EEPD1: variants seen among roughly 807,000 people sequenced by gnomAD.
EEPD1 encodes the protein endonuclease/exonuclease/phosphatase family domain containing 1.
EEPD1 carries 17 observed loss-of-function variants against 46.3 expected under a neutral mutation model. The ratio of observed to expected loss-of-function variants is 0.37; its 90% CI spans 0.25 to 0.55. The LOEUF (loss-of-function observed/expected upper bound fraction) is 0.55. EEPD1 is among the 20% of genes least tolerant of loss of function. EEPD1 has a pLI of 0.83. For missense variants in EEPD1, 673 were observed against 745.6 expected, an observed-to-expected ratio of 0.90 and a Z score of 1.13; for synonymous variants, 313 against 315.6, an observed-to-expected ratio of 0.99 and a Z score of 0.09.
At chr7:36,215,938 G>A (rs999571271) in intron 2 of EEPD1, among the ~76,000 whole-genome samples, 6 of 152,230 alleles carry the variant, frequency 3.9e-5, no homozygotes, top group African/African-American at 1.4e-4. Flanking sequence ...GAGGATGGGA[G>A]CCCTACCTCC....
intron 2 of EEPD1, among the ~76,000 whole-genome samples, chr7:36,218,370 TAGG>T (rs1260254328): frequency 6.7e-6 from 1 of 148,254 alleles, no homozygotes; most frequent in Admixed American, 6.9e-5. Flanking sequence ...AAAATTCTAA[TAGG>T]AGGGGGAGGA....
At chr7:36,247,095 C>T (rs954972979) in intron 3 of EEPD1, among the ~76,000 whole-genome samples, 5 of 147,774 alleles carry the variant, frequency 3.4e-5, no homozygotes, top group African/African-American at 1.3e-4. Flanking sequence ...TGCACTACAG[C>T]CTGGGTGACA....
At chr7:36,282,529 A>G (rs897817792) in intron 4 of EEPD1, among the ~76,000 whole-genome samples, 1 of 152,250 alleles carries the variant, frequency 6.6e-6, no homozygotes, top group Non-Finnish European at 1.5e-5. Context: ...TGTCAAGGCC[A>G]TTGGAAAACA....
intron 2 of EEPD1, among the ~76,000 whole-genome samples, chr7:36,196,803 G>A (rs1053387107): frequency 1.3e-5 from 2 of 152,192 alleles, no homozygotes; most frequent in Non-Finnish European, 2.9e-5. Flanking sequence ...CCCCCAAAGT[G>A]CGAAGATTGC....
At chr7:36,207,778 TA>T (rs1286609621) in intron 2 of EEPD1, among the ~76,000 whole-genome samples, 1 of 152,166 alleles carries the variant, frequency 6.6e-6, no homozygotes, top group African/African-American at 2.4e-5. Flanking sequence ...AGTCTGTTTA[TA>T]AAGTGTTTCT....
rs1341203087 is a variant in EEPD1, at chr7:36,219,806, A to AGAGTGTGTGTGTGTGT, written c.879-19178_879-19177insAGTGTGTGTGTGTGTG. 5.7e-4 allele frequency among the ~76,000 whole-genome samples: 43 copies of AGAGTGTGTGTGTGTGT among 75,442 alleles called. 1 individual carries two copies. Among genetic ancestry groups the AGAGTGTGTGTGTGTGT allele is most frequent in the African/African-American group, 1.2e-3 (26 of 21,956 alleles). The allele number at this position is 75,442 out of a possible 152,430, so 49.5% of individuals were successfully genotyped here. On this transcript the variant is annotated intron_variant, in intron 2 of 7. Coordinates refer to ENST00000242108, the MANE Select transcript of EEPD1 (RefSeq NM_030636.3). ...GAGAGAGAGAGAGAGAGAGAGAGAG[A>AGAGTGTGTGTGTGTGT]GTGTGTGTGTGTGTGTGTGTGTGTG... is the stretch of plus-strand genomic sequence containing the variant.
At chr7:36,180,589 G>T (rs1785255889) in intron 2 of EEPD1, among the ~76,000 whole-genome samples, 1 of 152,174 alleles carries the variant, frequency 6.6e-6, no homozygotes, top group Non-Finnish European at 1.5e-5. Flanking sequence ...GTGATTGGGG[G>T]TGGGGATTGT....
Position 36,287,863 on chromosome 7 carries a change from G to T in EEPD1, c.1315+86G>T, listed in dbSNP as rs1787365300. The T allele has an allele frequency of 8.5e-6, 13 of 1,537,676 alleles. No homozygotes were observed. In the South Asian group the frequency reaches 1.0e-4, roughly 12 times the overall value. On this transcript the variant is annotated intron_variant, in intron 6 of 7. Coordinates refer to ENST00000242108, the MANE Select transcript of EEPD1 (RefSeq NM_030636.3). Reference sequence around the variant, plus strand: ...TTCTGAGCCATCTCTGACCACTTGGGCTGGCTGTTTGTCAGCAATGTGAGT... The same window carrying T: ...TTCTGAGCCATCTCTGACCACTTGGTCTGGCTGTTTGTCAGCAATGTGAGT...
At chr7:36,296,874 A>T in intron 6 of EEPD1, 119 bp from the exon 7 acceptor site, 1 of 918,874 alleles carries the variant, frequency 1.1e-6, no homozygotes, top group Non-Finnish European at 1.6e-6. Flanking sequence ...ACCATGCCAC[A>T]GTACTAACCC....
At chr7:36,211,786 G>T (rs1335769586) in intron 2 of EEPD1, among the ~76,000 whole-genome samples, 1 of 152,016 alleles carries the variant, frequency 6.6e-6, no homozygotes, top group African/African-American at 2.4e-5. Context: ...TTAGCCAGGC[G>T]TGGTGGCAAG....
At chr7:36,205,161 A>AG (rs1027151273) in intron 2 of EEPD1, among the ~76,000 whole-genome samples, 51 of 152,092 alleles carry the variant, frequency 3.4e-4, no homozygotes, top group Non-Finnish European at 1.6e-4. Context: ...ATGGACAGGG[A>AG]GGGGGGTCAC....
rs148810883 is a variant in EEPD1, at chr7:36,287,480, A to G, written c.1177-159A>G. On this transcript the variant is annotated intron_variant, in intron 5 of 7. Coordinates refer to ENST00000242108, the MANE Select transcript of EEPD1 (RefSeq NM_030636.3). ...TGCAGGTGCCTTGGAAAAATCGAAG[A>G]TGAAAGACCTTACATTATTTCCTGG... The G allele has an allele frequency of 9.9e-5, 114 of 1,149,044 alleles. No individual in the cohort carries two copies. In the African/African-American group the frequency reaches 1.7e-3, roughly 17 times the overall value. 71.2% of individuals were successfully genotyped at this position (1,149,044 alleles called of 1,614,324 possible). A position where few individuals can be genotyped will look rare whatever the true frequency, so the allele number is the denominator to read the frequency against.
At chr7:36,264,010 C>T (rs1430639917) in intron 3 of EEPD1, among the ~76,000 whole-genome samples, 1 of 152,130 alleles carries the variant, frequency 6.6e-6, no homozygotes, top group Non-Finnish European at 1.5e-5. Context: ...ATTAAACCAG[C>T]TTTTATTTAT....
chr7:36,175,328 T>G (rs1443431644), intron 2 of EEPD1, among the ~76,000 whole-genome samples: 1 of 152,234 alleles, frequency 6.6e-6, no homozygotes, highest in East Asian at 1.9e-4. Flanking sequence ...ACTCCTGGGC[T>G]TAAGTGATCC....
At chr7:36,174,210 G>A (rs550235067) in intron 2 of EEPD1, among the ~76,000 whole-genome samples, 3 of 152,158 alleles carry the variant, frequency 2.0e-5, no homozygotes, top group African/African-American at 4.8e-5. Context: ...GATTACCCAC[G>A]CTTACCTCCT....
chr7:36,277,984 A>G (rs1583476126), intron 3 of EEPD1, among the ~76,000 whole-genome samples: 2 of 152,208 alleles, frequency 1.3e-5, no homozygotes, highest in East Asian at 3.8e-4. Flanking sequence ...GAAAGCAAAG[A>G]AAAATGAGAA....
At chr7:36,185,509 A>G (rs534064372) in intron 2 of EEPD1, among the ~76,000 whole-genome samples, 1 of 152,296 alleles carries the variant, frequency 6.6e-6, no homozygotes, top group Non-Finnish European at 1.5e-5. Context: ...TCTCTTGGGA[A>G]TATATTAGAA....
intron 6 of EEPD1, among the ~76,000 whole-genome samples, chr7:36,295,035 A>C (rs1459934958): frequency 6.6e-6 from 1 of 152,040 alleles, no homozygotes; most frequent in African/African-American, 2.4e-5. Flanking sequence ...AAGATTAGCC[A>C]GGCGTGGTGG....
intron 2 of EEPD1, among the ~76,000 whole-genome samples, chr7:36,199,493 C>T (rs1205807253): frequency 1.3e-5 from 2 of 152,008 alleles, no homozygotes; most frequent in Non-Finnish European, 1.5e-5. Flanking sequence ...GGCCTCATGT[C>T]CTGGGTTAGC....
Sources: gnomAD v4.1 joint callset for allele counts (sites outside exome capture counted in the v4.1 genomes callset) on GRCh38, gnomAD v4.1.1 for gene constraint, MANE v1.5 for transcripts, NCBI Gene and HGNC (gene_info 2026-07-23, HGNC 2026-07-21) for gene names.